Variants in ZNF649 observed in about 807,000 individuals in gnomAD.
ZNF649 encodes zinc finger protein 649.
ZNF649 carries 7 observed loss-of-function variants against 14.1 expected under a neutral mutation model. The ratio of observed to expected loss-of-function variants is 0.49; its 90% CI spans 0.28 to 0.93. ZNF649 has a LOEUF of 0.93. Among genes scored for constraint, ZNF649 ranks in the 40% least tolerant of loss-of-function variants. The pLI, the probability that ZNF649 is intolerant of heterozygous loss-of-function variation, is 0.10. For missense variants in ZNF649, 544 were observed against 608.1 expected (o/e 0.89, Z 1.11); for synonymous variants, 227 against 212.3 (o/e 1.07, Z -0.60).
In ZNF649 at chr19:51,900,099, C is replaced by CT; in HGVS notation, c.8dup (p.Ala4GlyfsTer52). 2 of 1,528,808 alleles carry CT rather than the reference C, an allele frequency of 1.3e-6. No individual in the cohort carries two copies. Among genetic ancestry groups the CT allele is most frequent in the Non-Finnish European group, 1.8e-6 (2 of 1,136,978 alleles). The allele number at this position is 1,528,808 out of a possible 1,614,324, so 94.7% of individuals were successfully genotyped here. A position where few individuals can be genotyped will look rare whatever the true frequency, so the allele number is the denominator to read the frequency against. On this transcript the variant is annotated frameshift_variant, in exon 2 of 5. Coordinates refer to ENST00000354957, the MANE Select transcript of ZNF649 (RefSeq NM_023074.4). LOFTEE classifies it high-confidence loss of function. ...AAAACAAACCAAAAGTTACCTGGGC[C>CT]TTTGTCATTTTCTTCTGTTTCAGGA...
In ZNF649 at chr19:51,890,735, G is replaced by A. The variant is rs144803970; in HGVS notation, c.1401C>T (p.Ser467=). ...RGDSVKVENP[S]TASHSLSPSE... is the part of the protein sequence containing the mutation. Reference sequence around the variant, plus strand: ...TAGGACTTAAGCTGTGACTTGCTGTGGAAGGATTTTCCACCTTCACTGAAT... The same window carrying A: ...TAGGACTTAAGCTGTGACTTGCTGTAGAAGGATTTTCCACCTTCACTGAAT... Residue 467 remains serine (S), a synonymous_variant, in exon 5 of 5, where the codon TCC becomes TCT. Transcript: ENST00000354957. 1.5e-3 allele frequency: 2,403 copies of A among 1,614,182 alleles called. 32 individuals are homozygous for A. The African/African-American group carries it at 0.027, about 18-fold the overall frequency.
chr19:51,894,855 A>G (rs1266503625), intron 4 of ZNF649, among the ~76,000 whole-genome samples: 3 of 152,082 alleles, frequency 2.0e-5, no homozygotes, highest in African/African-American at 7.2e-5. Context: ...CTTCATGTAA[A>G]GACACGCCCA....
intron 1 of ZNF649, among the ~76,000 whole-genome samples, chr19:51,904,402 G>C (rs2085111403): frequency 6.6e-6 from 1 of 152,042 alleles, no homozygotes; most frequent in Non-Finnish European, 1.5e-5. Context: ...AGCCGGCAAG[G>C]GTGGGCGGTT....
In ZNF649 at chr19:51,904,905, AAC is replaced by A. The variant is rs1409539935; in HGVS notation, c.-188+7_-188+8del. On this transcript the variant is annotated splice_region_variant and intron_variant, in intron 1 of 4. Transcript: ENST00000354957. The stretch of plus-strand genomic sequence containing the variant: ...TTAACCTACTCCACGGAGAGACCCA[AAC>A]ACTCACCTGATTTTCTTCTGGCTAC... The A allele has an allele frequency of 6.6e-6, 1 of 152,344 alleles. No homozygotes were observed. Among genetic ancestry groups the A allele is most frequent in the African/African-American group, 2.4e-5 (1 of 41,416 alleles). 9.4% of individuals were successfully genotyped at this position (152,344 alleles called of 1,614,324 possible).
chr19:51,897,131 C>T (rs73065050), intron 2 of ZNF649, 153 bp from the exon 3 acceptor site: 44,609 of 1,021,108 alleles, frequency 0.044, 1,239 homozygotes, highest in Middle Eastern at 0.054. Flanking sequence ...CCACATATAC[C>T]GAAATTGTGC....
intron 1 of ZNF649, among the ~76,000 whole-genome samples, chr19:51,903,754 G>A (rs2085108086): frequency 6.6e-6 from 1 of 152,184 alleles, no homozygotes; most frequent in African/African-American, 2.4e-5. Flanking sequence ...AGGAGGCGGA[G>A]GTTGCAGTGA....
intron 1 of ZNF649, among the ~76,000 whole-genome samples, chr19:51,902,070 T>A (rs879926032): frequency 2.0e-5 from 3 of 151,892 alleles, no homozygotes; most frequent in Non-Finnish European, 4.4e-5. Flanking sequence ...GGCACCGCAT[T>A]CTTCACCTCC....
intron 1 of ZNF649, among the ~76,000 whole-genome samples, chr19:51,904,658 C>A (rs1433008326): frequency 6.6e-6 from 1 of 152,076 alleles, no homozygotes; most frequent in Non-Finnish European, 1.5e-5. Context: ...TGGGCAGCGT[C>A]CCCCTAGAGT....
intron 4 of ZNF649, among the ~76,000 whole-genome samples, chr19:51,893,185 C>A (rs1319713340): frequency 6.6e-6 from 1 of 152,090 alleles, no homozygotes; most frequent in Non-Finnish European, 1.5e-5. Flanking sequence ...AAAAGACCTG[C>A]TAGCATACAG....
Position 51,894,549 on chromosome 19 carries a change from T to C in ZNF649, c.238+1923A>G, listed in dbSNP as rs974455645. 7.9e-5 allele frequency among the ~76,000 whole-genome samples: 12 copies of C among 152,348 alleles called. No individual in the cohort carries two copies. In the East Asian group the frequency reaches 2.3e-3, roughly 29 times the overall value. On this transcript the variant is annotated intron_variant, in intron 4 of 4. Transcript: ENST00000354957. Reference sequence around the variant, plus strand: ...AGCTATGTCTCTTGCATAAGATATTTTATCAGTCTGTCTTTCTCCATCTTG... The same window carrying C: ...AGCTATGTCTCTTGCATAAGATATTCTATCAGTCTGTCTTTCTCCATCTTG...
At chr19:51,894,844 G>C (rs1250068488) in intron 4 of ZNF649, among the ~76,000 whole-genome samples, 1 of 152,068 alleles carries the variant, frequency 6.6e-6, no homozygotes, top group Non-Finnish European at 1.5e-5. Context: ...CCCCGAGAGA[G>C]CTTCATGTAA....
At chr19:51,902,078 T>G (rs1048770191) in intron 1 of ZNF649, among the ~76,000 whole-genome samples, 4 of 151,650 alleles carry the variant, frequency 2.6e-5, no homozygotes, top group African/African-American at 9.7e-5. Context: ...ATTCTTCACC[T>G]CCAAAGAAAT....
intron 1 of ZNF649, among the ~76,000 whole-genome samples, chr19:51,902,783 A>G (rs921830322): frequency 3.9e-5 from 6 of 152,210 alleles, no homozygotes; most frequent in African/African-American, 1.4e-4. Flanking sequence ...TGATGTTAAC[A>G]TCACATGTAG....
intron 1 of ZNF649, among the ~76,000 whole-genome samples, chr19:51,900,667 T>C (rs2085089375): frequency 6.6e-6 from 1 of 152,216 alleles, no homozygotes; most frequent in Admixed American, 6.5e-5. Context: ...TATTGTCCCA[T>C]ATTTTTATGG....
chr19:51,902,427 C>A (rs534671015), intron 1 of ZNF649, among the ~76,000 whole-genome samples: 1 of 152,184 alleles, frequency 6.6e-6, no homozygotes, highest in East Asian at 1.9e-4. Context: ...AGGATTCACA[C>A]GGCCTCCTCC....
chr19:51,897,189 T>C, intron 2 of ZNF649: 1 of 565,432 alleles, frequency 1.8e-6, no homozygotes, highest in Non-Finnish European at 3.0e-6. Flanking sequence ...TATGTTACTC[T>C]GTATAAGCGA....
Position 51,890,918 on chromosome 19 carries a change from G to A in ZNF649, c.1218C>T (p.Asp406=). Residue 406 remains aspartate, a synonymous_variant, in exon 5 of 5, where the codon GAC becomes GAT. Transcript: ENST00000354957. ...TCTTTGTAAGGAAGGCTTTCCCACA[G>A]TCACTGCATTTATAGGGTTTCTCTC... is the stretch of plus-strand genomic sequence containing the variant. The part of the protein sequence containing the change: ...HSGEKPYKCS[D]CGKAFLTKTM... 3.1e-6 allele frequency: 5 copies of A among 1,613,608 alleles called. No individual in the cohort carries two copies. Among genetic ancestry groups the A allele is most frequent in the Non-Finnish European group, 4.2e-6 (5 of 1,179,852 alleles).
chr19:51,892,079 A>G (rs2085027260), intron 4 of ZNF649, among the ~76,000 whole-genome samples, 182 bp from the exon 5 acceptor site: 1 of 151,876 alleles, frequency 6.6e-6, no homozygotes, highest in African/African-American at 2.4e-5. Context: ...AAATACATAT[A>G]AGATAAAATT....
At chr19:51,903,076 A>G (rs1054413370) in intron 1 of ZNF649, among the ~76,000 whole-genome samples, 1 of 147,322 alleles carries the variant, frequency 6.8e-6, no homozygotes, top group Admixed American at 6.8e-5. Flanking sequence ...GAAGAGGCAG[A>G]TGGAAGGGAT....
Sources: gnomAD v4.1 joint callset for allele counts (sites outside exome capture counted in the v4.1 genomes callset) on GRCh38, gnomAD v4.1.1 for gene constraint, MANE v1.5 for transcripts, NCBI Gene and HGNC (gene_info 2026-07-23, HGNC 2026-07-21) for gene names.